GTF2E1: variants seen among roughly 807,000 people sequenced by gnomAD.
GTF2E1 encodes the protein general transcription factor IIE subunit 1, also known as TFIIE alpha subunit.
A neutral mutation model predicts 34.9 loss-of-function variants in GTF2E1; 14 were observed. The observed-to-expected ratio is 0.40, with a 90% CI of 0.27 to 0.63. GTF2E1 has a LOEUF of 0.63. Among genes scored for constraint, GTF2E1 ranks in the 20% least tolerant of loss-of-function variants. The probability of loss-of-function intolerance (pLI) is 0.39; values close to 1 mark genes in which losing one functional copy is unlikely to be tolerated. For missense variants in GTF2E1, 469 were observed against 557.7 expected, an observed-to-expected ratio of 0.84 and a Z score of 1.60; for synonymous variants, 188 against 192.9, an observed-to-expected ratio of 0.97 and a Z score of 0.21.
At position 120,750,705 on chromosome 3, in the gene GTF2E1, G is replaced by C; in HGVS notation, c.153G>C (p.Leu51=). 1.2e-6 allele frequency: 2 copies of C among 1,614,046 alleles called. No individual in the cohort carries two copies. The highest frequency in any genetic ancestry group is 1.7e-6 in the Non-Finnish European group (2 of 1,179,950). ...TGAAAGAGGAGGATATGCTGGAGCT[G>C]CTCAAGTTTGATCGGAAGCAACTTC... The part of the protein sequence containing the change: ...SCVKEEDMLE[L]LKFDRKQLRS... The change falls in exon 2 of 5, where the codon CTG becomes CTC. Residue 51 remains leucine (L), a synonymous_variant. Coordinates refer to ENST00000283875, the MANE Select transcript of GTF2E1 (RefSeq NM_005513.3).
intron 2 of GTF2E1, among the ~76,000 whole-genome samples, chr3:120,768,676 A>G (rs1035560854): frequency 6.6e-6 from 1 of 152,180 alleles, no homozygotes; most frequent in African/African-American, 2.4e-5. Context: ...TTAATTCAGC[A>G]GGTATTCGAG....
At chr3:120,758,429 T>C (rs1709228866) in intron 2 of GTF2E1, among the ~76,000 whole-genome samples, 1 of 152,188 alleles carries the variant, frequency 6.6e-6, no homozygotes, top group Admixed American at 6.5e-5. Flanking sequence ...AAATTTTATT[T>C]TTTTATTATA....
intron 2 of GTF2E1, 71 bp from the exon 3 acceptor site, chr3:120,770,657 G>T (rs535457662): frequency 1.9e-6 from 2 of 1,030,660 alleles, no homozygotes; most frequent in African/African-American, 1.6e-5. Flanking sequence ...ATAAGATATT[G>T]GGGGAGGGTG....
At chr3:120,761,947 C>T (rs796580324) in intron 2 of GTF2E1, among the ~76,000 whole-genome samples, 3 of 151,998 alleles carry the variant, frequency 2.0e-5, no homozygotes, top group South Asian at 4.2e-4. Flanking sequence ...CCCACTACCA[C>T]GCCCGGCTAA....
At chr3:120,746,588 CAGA>C (rs1709107206) in intron 1 of GTF2E1, among the ~76,000 whole-genome samples, 1 of 151,924 alleles carries the variant, frequency 6.6e-6, no homozygotes, top group Non-Finnish European at 1.5e-5. Context: ...CCCTTGAGCC[CAGA>C]AGTTCGAGAC....
At chr3:120,758,028 C>T (rs1053399188) in intron 2 of GTF2E1, among the ~76,000 whole-genome samples, 11 of 152,006 alleles carry the variant, frequency 7.2e-5, no homozygotes, top group South Asian at 4.1e-4. Context: ...GGTGTGGTGG[C>T]GCACACCTGT....
rs1302502157 is a variant in GTF2E1, at chr3:120,776,558, A to T, written c.786A>T (p.Glu262Asp). ...QNVVINMDDQ[E>D]DLHRASLEGK... is the part of the protein sequence containing the mutation. ...TTGTCATTAACATGGATGACCAAGA[A>T]GATCTTCATCGAGCCTCACTGGAAG... The change falls in exon 4 of 5, where the codon GAA becomes GAT. Residue 262 changes from glutamate (E) to aspartate (D), a missense_variant. Glu to Asp is a conservative substitution (Grantham distance 45). Coordinates refer to ENST00000283875, the MANE Select transcript of GTF2E1 (RefSeq NM_005513.3). 6.2e-7 allele frequency: 1 copy of T among 1,614,048 alleles called. No homozygotes were observed. The highest frequency in any genetic ancestry group is 1.3e-5 in the African/African-American group (1 of 75,042).
chr3:120,766,482 G>T (rs1661156651), intron 2 of GTF2E1, among the ~76,000 whole-genome samples: 1 of 151,766 alleles, frequency 6.6e-6, no homozygotes, highest in Non-Finnish European at 1.5e-5. Context: ...CATTCTTTTT[G>T]ATAACTGTTT....
At chr3:120,780,347 T>TA (rs2107614572) in intron 4 of GTF2E1, among the ~76,000 whole-genome samples, 1 of 152,306 alleles carries the variant, frequency 6.6e-6, no homozygotes, top group East Asian at 1.9e-4. Flanking sequence ...AGGATACATT[T>TA]AAAAGGTAAC....
intron 1 of GTF2E1, among the ~76,000 whole-genome samples, chr3:120,746,413 TG>T (rs1261494208): frequency 2.0e-5 from 3 of 151,772 alleles, no homozygotes; most frequent in Non-Finnish European, 4.4e-5. Context: ...TGCTTGAACC[TG>T]TGAGGCAGAA....
chr3:120,743,243 C>G (rs1709072776), intron 1 of GTF2E1, among the ~76,000 whole-genome samples: 2 of 152,364 alleles, frequency 1.3e-5, no homozygotes, highest in East Asian at 1.9e-4. Flanking sequence ...CTGAAGTAAT[C>G]TAACTGGTCT....
chr3:120,776,938 A>G (rs1222533342), intron 4 of GTF2E1, among the ~76,000 whole-genome samples: 1 of 152,190 alleles, frequency 6.6e-6, no homozygotes, highest in Non-Finnish European at 1.5e-5. Context: ...GAAAAATGCT[A>G]TCTGTTGTTT....
intron 2 of GTF2E1, among the ~76,000 whole-genome samples, chr3:120,762,559 A>G (rs9811769): frequency 0.064 from 9,760 of 152,290 alleles, 359 homozygotes; most frequent in East Asian, 0.17. Flanking sequence ...ACTTTTCATA[A>G]TATTGTATAG....
rs146072078 is a variant in GTF2E1, at chr3:120,750,703, C to A, written c.151C>A (p.Leu51Met). Residue 51 changes from leucine (L) to methionine (M), a missense_variant, in exon 2 of 5, where the codon CTG (leucine) becomes ATG (methionine). Physicochemically the swap from Leu to Met is conservative, Grantham distance 15 (BLOSUM62 2). Transcript: ENST00000283875. ...SCVKEEDMLE[L>M]LKFDRKQLRS... is the part of the protein sequence containing the mutation. Reference sequence around the variant, plus strand: ...TGTGAAAGAGGAGGATATGCTGGAGCTGCTCAAGTTTGATCGGAAGCAACT... The same window carrying A: ...TGTGAAAGAGGAGGATATGCTGGAGATGCTCAAGTTTGATCGGAAGCAACT... The A allele has an allele frequency of 6.2e-7, 1 of 1,613,996 alleles. No homozygotes were observed. The highest frequency in any genetic ancestry group is 8.5e-7 in the Non-Finnish European group (1 of 1,179,928).
At chr3:120,767,106 A>C (rs1400548255) in intron 2 of GTF2E1, among the ~76,000 whole-genome samples, 3 of 152,124 alleles carry the variant, frequency 2.0e-5, no homozygotes, top group Admixed American at 6.6e-5. Context: ...TGTGATAAAC[A>C]CAGGGCTCAG....
intron 2 of GTF2E1, among the ~76,000 whole-genome samples, chr3:120,757,714 A>C (rs1285584024): frequency 6.6e-6 from 1 of 152,216 alleles, no homozygotes; most frequent in Non-Finnish European, 1.5e-5. Context: ...ATTCCCCCGA[A>C]CATTATGAGT....
chr3:120,761,653 T>C (rs1393705912), intron 2 of GTF2E1, among the ~76,000 whole-genome samples: 1 of 152,236 alleles, frequency 6.6e-6, no homozygotes, highest in Admixed American at 6.5e-5. Context: ...AGAACATCTT[T>C]ATTTCTGCCT....
At chr3:120,745,888 C>T (rs1002266766) in intron 1 of GTF2E1, among the ~76,000 whole-genome samples, 1 of 152,182 alleles carries the variant, frequency 6.6e-6, no homozygotes, top group Non-Finnish European at 1.5e-5. Context: ...AGGTACTTCC[C>T]AGGCATCCTT....
intron 1 of GTF2E1, among the ~76,000 whole-genome samples, chr3:120,750,158 C>G (rs892060635): frequency 6.6e-6 from 1 of 152,152 alleles, no homozygotes; most frequent in Non-Finnish European, 1.5e-5. Flanking sequence ...TTAGGAAATG[C>G]GAACTGCTAG....
Sources: allele counts gnomAD v4.1 joint callset (sites outside exome capture counted in the v4.1 genomes callset), GRCh38; gene constraint gnomAD v4.1.1; transcripts MANE v1.5; gene names NCBI Gene and HGNC (gene_info 2026-07-23, HGNC 2026-07-21).